The following PHLPP1 variants were observed in gnomAD, a reference collection of about 807,000 sequenced individuals.
PHLPP1 encodes the protein PH domain and leucine rich repeat protein phosphatase 1, also known as PH domain leucine-rich repeat-containing protein phosphatase 1.
PHLPP1 carries 42 observed loss-of-function variants against 117.2 expected under a neutral mutation model. That is an observed-to-expected ratio of 0.36 (90% confidence interval 0.28 to 0.46). The LOEUF is 0.46. PHLPP1 is among the 20% of genes least tolerant of loss of function. The pLI is 1.00. For synonymous variants in PHLPP1, 1,042 were observed against 970.7 expected (o/e 1.07, Z -1.37); for missense variants, 2,084 against 2,241.9 (o/e 0.93, Z 1.42).
chr18:62,966,716 G>A (rs957182716), intron 14 of PHLPP1, among the ~76,000 whole-genome samples: 5 of 152,080 alleles, frequency 3.3e-5, no homozygotes, highest in East Asian at 3.9e-4. Flanking sequence ...TGATCCGCCC[G>A]CCTCGGCCTC....
chr18:62,815,741 C>T (rs1473917237), intron 1 of PHLPP1, among the ~76,000 whole-genome samples: 1 of 152,172 alleles, frequency 6.6e-6, no homozygotes, highest in African/African-American at 2.4e-5. Flanking sequence ...AAGTGCAGTA[C>T]AGACACAAAG....
In PHLPP1 at chr18:62,819,496, GA is replaced by G; in HGVS notation, c.1577-10537del. ...ACAGATGGGATAAGTAGGAAACAAA[GA>G]ATAATATGGTCAATTTCAATTCAAA... On this transcript the variant is annotated intron_variant, in intron 1 of 16. Transcript: ENST00000262719. Among the ~76,000 whole-genome samples the G allele has an allele frequency of 2.0e-5, 3 of 152,104 alleles. 1 individual carries two copies. In the Middle Eastern group the frequency reaches 0.01, roughly 517 times the overall value.
At chr18:62,789,211 A>G (rs1209212769) in intron 1 of PHLPP1, among the ~76,000 whole-genome samples, 1 of 152,206 alleles carries the variant, frequency 6.6e-6, no homozygotes, top group African/African-American at 2.4e-5. Context: ...CTTAAGCATT[A>G]GTGAATATAT....
intron 1 of PHLPP1, among the ~76,000 whole-genome samples, chr18:62,781,430 G>A (rs1913116823): frequency 6.6e-6 from 1 of 152,188 alleles, no homozygotes; most frequent in African/African-American, 2.4e-5. Flanking sequence ...GAAATGCTAT[G>A]TCTTGTTCCT....
At chr18:62,919,262 A>G (rs1434835609) in intron 9 of PHLPP1, among the ~76,000 whole-genome samples, 1 of 152,186 alleles carries the variant, frequency 6.6e-6, no homozygotes, top group Non-Finnish European at 1.5e-5. Flanking sequence ...ATTAACAAGT[A>G]TTCATCATCT....
intron 1 of PHLPP1, among the ~76,000 whole-genome samples, chr18:62,742,801 T>C (rs1413494654): frequency 1.3e-5 from 2 of 152,178 alleles, no homozygotes; most frequent in African/African-American, 4.8e-5. Context: ...CTCATTTTCC[T>C]TTTCTTAGAA....
intron 10 of PHLPP1, among the ~76,000 whole-genome samples, chr18:62,924,622 C>G (rs549717773): frequency 6.8e-6 from 1 of 147,420 alleles, no homozygotes; most frequent in African/African-American, 2.5e-5. Flanking sequence ...TTGCTTGAGC[C>G]TAGGAGTTTG....
intron 6 of PHLPP1, among the ~76,000 whole-genome samples, chr18:62,902,514 T>C (rs543723691): frequency 6.6e-6 from 1 of 152,356 alleles, no homozygotes; most frequent in East Asian, 1.9e-4. Flanking sequence ...TGTTCATGCA[T>C]CCTCTCTCCT....
At chr18:62,865,697 T>C (rs921827517) in intron 4 of PHLPP1, among the ~76,000 whole-genome samples, 1 of 152,340 alleles carries the variant, frequency 6.6e-6, no homozygotes, top group African/African-American at 2.4e-5. Context: ...TGGAATACTA[T>C]GCAGCCATAA....
Position 62,715,860 on chromosome 18 carries a change from C to A in PHLPP1, c.177C>A (p.Ala59=). Residue 59 remains alanine (A), a synonymous_variant, in exon 1 of 17, where the codon GCC becomes GCA. Transcript: ENST00000262719. ...RSPEPALTPA[A]PSGGNGSGSG... ...CGGAGCCCGCGCTGACCCCGGCGGC[C>A]CCGAGCGGCGGGAACGGCAGCGGCA... is the stretch of plus-strand genomic sequence containing the variant. 1.2e-6 allele frequency: 1 copy of A among 805,652 alleles called. No individual in the cohort carries two copies. The highest frequency in any genetic ancestry group is 1.5e-6 in the Non-Finnish European group (1 of 666,620). The allele number at this position is 805,652 out of a possible 1,614,324, so 49.9% of individuals were successfully genotyped here. A position where few individuals can be genotyped will look rare whatever the true frequency, so the allele number is the denominator to read the frequency against.
chr18:62,900,437 T>G (rs1175496812), intron 6 of PHLPP1, among the ~76,000 whole-genome samples: 23 of 101,498 alleles, frequency 2.3e-4, no homozygotes, highest in African/African-American at 8.1e-4. Context: ...TTCTTTCTTT[T>G]TTTTTTTTTT....
intron 1 of PHLPP1, among the ~76,000 whole-genome samples, chr18:62,725,129 C>A (rs1412947645): frequency 1.5e-4 from 23 of 152,036 alleles, no homozygotes; most frequent in Non-Finnish European, 1.3e-4. Flanking sequence ...GAGGCTGAGT[C>A]GGGCAGATCA....
chr18:62,785,999 TC>T (rs1180891842), intron 1 of PHLPP1, among the ~76,000 whole-genome samples: 1 of 152,220 alleles, frequency 6.6e-6, no homozygotes, highest in African/African-American at 2.4e-5. Flanking sequence ...TGACTTTCTA[TC>T]CCTGCCTTAA....
intron 1 of PHLPP1, among the ~76,000 whole-genome samples, chr18:62,816,859 G>A (rs747460028): frequency 5.3e-5 from 8 of 151,958 alleles, no homozygotes; most frequent in Admixed American, 2.0e-4. Context: ...CATATTTTGC[G>A]AAAGTATTTT....
At chr18:62,956,828 G>C (rs2144473248) in intron 12 of PHLPP1, among the ~76,000 whole-genome samples, 1 of 152,146 alleles carries the variant, frequency 6.6e-6, no homozygotes, top group African/African-American at 2.4e-5. Context: ...TTTTGTGTGA[G>C]AGCATTGTGT....
intron 12 of PHLPP1, among the ~76,000 whole-genome samples, chr18:62,948,690 C>G (rs1467523333): frequency 6.7e-6 from 1 of 148,470 alleles, no homozygotes; most frequent in South Asian, 2.1e-4. Context: ...TTTTTTTATA[C>G]TTTAAGTTTT....
intron 1 of PHLPP1, among the ~76,000 whole-genome samples, chr18:62,736,063 C>A (rs1254065663): frequency 2.0e-5 from 3 of 152,068 alleles, no homozygotes; most frequent in African/African-American, 7.2e-5. Context: ...AATCTTTGCA[C>A]CGAAAGGGGG....
At position 62,718,947 on chromosome 18, in the gene PHLPP1, A is replaced by G. The variant is rs531138215; in HGVS notation, c.1576+1688A>G. Among the ~76,000 whole-genome samples, 14 of 152,342 alleles carry G rather than the reference A, an allele frequency of 9.2e-5. No individual in the cohort carries two copies. The South Asian group carries it at 2.9e-3, about 32-fold the overall frequency. On this transcript the variant is annotated intron_variant, in intron 1 of 16. Coordinates refer to ENST00000262719, the MANE Select transcript of PHLPP1 (RefSeq NM_194449.4). ...CCTTTGATTCTCTTCAAGAGTGTCT[A>G]AAATATTCTAATGGGTAATAAGCAC...
At chr18:62,892,848 C>G (rs1916461647) in intron 4 of PHLPP1, among the ~76,000 whole-genome samples, 1 of 149,184 alleles carries the variant, frequency 6.7e-6, no homozygotes, top group Admixed American at 6.7e-5. Flanking sequence ...TGCACTCCAG[C>G]CTGGGCGACA....
Sources: gnomAD v4.1 joint callset for allele counts (sites outside exome capture counted in the v4.1 genomes callset) on GRCh38, gnomAD v4.1.1 for gene constraint, MANE v1.5 for transcripts, NCBI Gene and HGNC (gene_info 2026-07-23, HGNC 2026-07-21) for gene names.